SPOCK1: variants seen among roughly 807,000 people sequenced by gnomAD.
SPOCK1 encodes SPARC (osteonectin), cwcv and kazal like domains proteoglycan 1.
A neutral mutation model predicts 55.3 loss-of-function variants in SPOCK1; 23 were observed. That is an observed-to-expected ratio of 0.42 (90% CI 0.30 to 0.59). The LOEUF (loss-of-function observed/expected upper bound fraction) is 0.59, where lower values mean the gene tolerates loss of function less well. Among genes scored for constraint, SPOCK1 ranks in the 20% least tolerant of loss-of-function variants. The pLI is 0.22. For missense variants in SPOCK1, 499 were observed against 552.5 expected, an observed-to-expected ratio of 0.90 and a Z score of 0.97; for synonymous variants, 226 against 221.0, an observed-to-expected ratio of 1.02 and a Z score of -0.20.
At chr5:137,012,767 G>A (rs149282579) in intron 6 of SPOCK1, among the ~76,000 whole-genome samples, 5 of 152,188 alleles carry the variant, frequency 3.3e-5, no homozygotes, top group Admixed American at 6.5e-5. Context: ...TACTTAAGTC[G>A]AAAAAGCACA....
At chr5:137,258,862 G>C (rs1407632298) in intron 3 of SPOCK1, among the ~76,000 whole-genome samples, 2 of 152,148 alleles carry the variant, frequency 1.3e-5, no homozygotes, top group African/African-American at 4.8e-5. Flanking sequence ...CCTCCAAAGG[G>C]TGGAGCACAA....
chr5:136,986,675 C>A (rs1236219788), intron 8 of SPOCK1, among the ~76,000 whole-genome samples: 1 of 151,876 alleles, frequency 6.6e-6, no homozygotes, highest in South Asian at 2.1e-4. Flanking sequence ...GTTGAAACCA[C>A]CAGGGAGGGA....
intron 2 of SPOCK1, among the ~76,000 whole-genome samples, chr5:137,415,331 A>G (rs1043774433): frequency 2.6e-5 from 4 of 152,190 alleles, no homozygotes; most frequent in Admixed American, 2.0e-4. Context: ...CTGACTGTTT[A>G]AATAGGATTT....
At chr5:137,113,306 T>C (rs1391896519) in intron 4 of SPOCK1, among the ~76,000 whole-genome samples, 1 of 152,152 alleles carries the variant, frequency 6.6e-6, no homozygotes, top group African/African-American at 2.4e-5. Context: ...AGGCCTGCAG[T>C]TACTGCCACC....
At chr5:137,295,739 T>A (rs1757466705) in intron 2 of SPOCK1, among the ~76,000 whole-genome samples, 1 of 151,636 alleles carries the variant, frequency 6.6e-6, no homozygotes, top group Non-Finnish European at 1.5e-5. Context: ...AAAAAATACA[T>A]ATTATTGGGT....
At chr5:137,322,336 G>GAA (rs112760930) in intron 2 of SPOCK1, among the ~76,000 whole-genome samples, 12 of 141,580 alleles carry the variant, frequency 8.5e-5, no homozygotes, top group East Asian at 4.1e-4. Flanking sequence ...CTGTCTCAAG[G>GAA]AAAAAAAAAA....
At chr5:137,043,069 C>A (rs529676746) in intron 6 of SPOCK1, among the ~76,000 whole-genome samples, 1 of 152,082 alleles carries the variant, frequency 6.6e-6, no homozygotes, top group African/African-American at 2.4e-5. Flanking sequence ...ACAAGATGAG[C>A]CTGGATATTT....
chr5:137,473,947 G>A (rs537546174), intron 2 of SPOCK1, among the ~76,000 whole-genome samples: 4 of 152,298 alleles, frequency 2.6e-5, no homozygotes, highest in East Asian at 1.9e-4. Flanking sequence ...GCAGTGACCC[G>A]TATGAGATTG....
intron 4 of SPOCK1, among the ~76,000 whole-genome samples, chr5:137,114,758 A>G (rs778313930): frequency 3.9e-5 from 6 of 152,250 alleles, no homozygotes; most frequent in Non-Finnish European, 7.3e-5. Flanking sequence ...ATAATGAATC[A>G]GCAAATGCAG....
At chr5:137,169,796 A>G (rs1451121929) in intron 3 of SPOCK1, among the ~76,000 whole-genome samples, 2 of 152,228 alleles carry the variant, frequency 1.3e-5, no homozygotes, top group African/African-American at 4.8e-5. Flanking sequence ...CAGAGTTTTG[A>G]CCACTGCCCC....
At chr5:137,248,662 T>C (rs1756448938) in intron 3 of SPOCK1, among the ~76,000 whole-genome samples, 1 of 152,192 alleles carries the variant, frequency 6.6e-6, no homozygotes, top group African/African-American at 2.4e-5. Context: ...AGTTTCCGCA[T>C]CCGCACAGAT....
intron 4 of SPOCK1, among the ~76,000 whole-genome samples, chr5:137,128,797 C>T (rs757970905): frequency 2.0e-5 from 3 of 152,196 alleles, no homozygotes; most frequent in Admixed American, 6.5e-5. Context: ...CTCCCCCAAC[C>T]CCAACTGTAG....
At chr5:137,068,912 G>A (rs553880319) in intron 5 of SPOCK1, among the ~76,000 whole-genome samples, 34 of 152,200 alleles carry the variant, frequency 2.2e-4, no homozygotes, top group African/African-American at 4.8e-5. Context: ...AAAGACCCAC[G>A]GGCCCAGGAC....
At chr5:137,272,984 C>G (rs1756999177) in intron 2 of SPOCK1, among the ~76,000 whole-genome samples, 1 of 152,176 alleles carries the variant, frequency 6.6e-6, no homozygotes, top group African/African-American at 2.4e-5. Flanking sequence ...TCTAAATCAC[C>G]TTCACCCTGA....
At chr5:137,128,352 A>G (rs1366593681) in intron 4 of SPOCK1, among the ~76,000 whole-genome samples, 2 of 152,232 alleles carry the variant, frequency 1.3e-5, no homozygotes, top group East Asian at 3.8e-4. Context: ...CATTAAACCC[A>G]GAACATTAAA....
chr5:137,105,354 T>C (rs932613072), intron 5 of SPOCK1, among the ~76,000 whole-genome samples: 1 of 152,056 alleles, frequency 6.6e-6, no homozygotes, highest in African/African-American at 2.4e-5. Flanking sequence ...AGCAGGACTA[T>C]CCAAAAAATA....
intron 2 of SPOCK1, among the ~76,000 whole-genome samples, chr5:137,271,104 G>A (rs1313839255): frequency 6.6e-6 from 1 of 152,014 alleles, no homozygotes; most frequent in Non-Finnish European, 1.5e-5. Flanking sequence ...AAGGAGGAGG[G>A]TTGGTGTTAG....
intron 2 of SPOCK1, among the ~76,000 whole-genome samples, chr5:137,354,378 C>T (rs1360534518): frequency 1.3e-5 from 2 of 152,140 alleles, no homozygotes; most frequent in African/African-American, 4.8e-5. Flanking sequence ...ACCTGGCTCC[C>T]ACTGAGGCTT....
chr5:137,380,535 G>C (rs1276701303), intron 2 of SPOCK1, among the ~76,000 whole-genome samples: 2 of 152,136 alleles, frequency 1.3e-5, no homozygotes, highest in Admixed American at 1.3e-4. Context: ...CAATTCCATG[G>C]GCTTAACAGG....
Sources: allele counts gnomAD v4.1 joint callset (sites outside exome capture counted in the v4.1 genomes callset), GRCh38; gene constraint gnomAD v4.1.1; transcripts MANE v1.5; gene names NCBI Gene and HGNC (gene_info 2026-07-23, HGNC 2026-07-21).